The following PCDHA7 variants were observed in gnomAD, a reference collection of about 807,000 sequenced individuals.
PCDHA7 encodes protocadherin alpha 7.
A neutral mutation model predicts 57.2 loss-of-function variants in PCDHA7; 37 were observed. The ratio of observed to expected loss-of-function variants is 0.65; its 90% confidence interval spans 0.50 to 0.85. PCDHA7 has a LOEUF of 0.85. Ranked by LOEUF, PCDHA7 falls within the 40% of genes least tolerant of loss-of-function variation. The pLI, the probability that PCDHA7 is intolerant of heterozygous loss-of-function variation, is 0.00. For synonymous variants in PCDHA7, 553 were observed against 558.8 expected, an observed-to-expected ratio of 0.99 and a Z score of 0.15; for missense variants, 1,188 against 1,241.8, an observed-to-expected ratio of 0.96 and a Z score of 0.65.
chr5:140,899,534 T>A (rs2067388979), intron 1 of PCDHA7, among the ~76,000 whole-genome samples: 1 of 152,234 alleles, frequency 6.6e-6, no homozygotes, highest in Non-Finnish European at 1.5e-5. Context: ...TGAAGCCCAC[T>A]TGATCATGGT....
intron 2 of PCDHA7, among the ~76,000 whole-genome samples, chr5:140,981,116 A>G (rs533489885): frequency 6.6e-6 from 1 of 152,344 alleles, no homozygotes; most frequent in African/African-American, 2.4e-5. Flanking sequence ...TCTACTGGAT[A>G]TGTTGTTTGA....
intron 1 of PCDHA7, chr5:140,862,433 G>C (rs781821294): frequency 2.8e-6 from 1 of 354,766 alleles, no homozygotes; most frequent in African/African-American, 2.1e-5. Context: ...GAAACTATTC[G>C]TTGGTACTCC....
rs975637071 is a variant in PCDHA7 at position 141,011,970 on chromosome 5, C to A, written c.*2033C>A. On this transcript the variant is annotated 3_prime_UTR_variant, in exon 4 of 4. Transcript: ENST00000525929. ...AGCATTAAATTTAAAAAAAAACTGTCTTGTCTACTTTTAGCTTCATTCTCC... is the reference window on the plus strand; with the variant it reads ...AGCATTAAATTTAAAAAAAAACTGTATTGTCTACTTTTAGCTTCATTCTCC... 6.5e-6 allele frequency: 1 copy of A among 153,576 alleles called. No individual in the cohort carries two copies. The highest frequency in any genetic ancestry group is 6.6e-5 in the Admixed American group (1 of 15,252). The allele number at this position is 153,576 out of a possible 1,614,324, so 9.5% of individuals were successfully genotyped here. A position where few individuals can be genotyped will look rare whatever the true frequency, so the allele number is the denominator to read the frequency against.
At chr5:140,990,737 C>T (rs2097410697) in intron 3 of PCDHA7, among the ~76,000 whole-genome samples, 1 of 152,162 alleles carries the variant, frequency 6.6e-6, no homozygotes, top group African/African-American at 2.4e-5. Context: ...ATCAACAGCC[C>T]TAGGGTGGAT....
chr5:140,929,082 G>A, intron 1 of PCDHA7: 2 of 1,614,216 alleles, frequency 1.2e-6, no homozygotes, highest in South Asian at 1.1e-5. Flanking sequence ...ATGGAAGTAA[G>A]ATGGTTTCAA....
intron 1 of PCDHA7, chr5:140,871,625 ATGTC>A (rs1304722830): frequency 2.1e-6 from 3 of 1,403,018 alleles, no homozygotes; most frequent in Non-Finnish European, 2.8e-6. Context: ...TTAGATAACA[ATGTC>A]TGTTCATAAA....
At chr5:140,977,096 G>A (rs1401413424) in intron 1 of PCDHA7, among the ~76,000 whole-genome samples, 1 of 152,182 alleles carries the variant, frequency 6.6e-6, no homozygotes, top group East Asian at 1.9e-4. Flanking sequence ...TGTGTCATTG[G>A]GGAAGTGAGA....
Position 141,009,916 on chromosome 5 carries a change from G to T in PCDHA7, c.2793G>T (p.Thr931=). The change falls in exon 4 of 4, where the codon ACG becomes ACT. Residue 931 remains threonine, a synonymous_variant. Coordinates refer to ENST00000525929, the MANE Select transcript of PCDHA7 (RefSeq NM_018910.3). ...AGAAAAAAGAGAAAGGGAACAGCAC[G>T]ACTGACAACAGTGACCAGTGAGGTC... ...TQEKKEKGNS[T]TDNSDQ The T allele has an allele frequency of 6.2e-7, 1 of 1,611,502 alleles. No individual in the cohort carries two copies. Among genetic ancestry groups the T allele is most frequent in the South Asian group, 1.1e-5 (1 of 90,550 alleles).
In PCDHA7 at chr5:140,834,286, C is replaced by A; in HGVS notation, c.-98C>A. 3 of 1,172,442 alleles carry A rather than the reference C, an allele frequency of 2.6e-6. No individual in the cohort carries two copies. Among genetic ancestry groups the A allele is most frequent in the Non-Finnish European group, 2.4e-6 (2 of 821,262 alleles). The allele number at this position is 1,172,442 out of a possible 1,614,324, so 72.6% of individuals were successfully genotyped here. A position where few individuals can be genotyped will look rare whatever the true frequency, so the allele number is the denominator to read the frequency against. ...TCTCTTTCACTCTTTGGATGCACAA[C>A]AATGGCCACACATCGAGATTGAAAT... is the stretch of plus-strand genomic sequence containing the variant. On this transcript the variant is annotated 5_prime_UTR_variant, in exon 1 of 4. Coordinates refer to ENST00000525929, the MANE Select transcript of PCDHA7 (RefSeq NM_018910.3).
At chr5:140,931,817 C>A (rs2087768963) in intron 1 of PCDHA7, among the ~76,000 whole-genome samples, 1 of 151,876 alleles carries the variant, frequency 6.6e-6, no homozygotes, top group Non-Finnish European at 1.5e-5. Context: ...GAAAAGAATT[C>A]TTGTCATAGT....
intron 1 of PCDHA7, among the ~76,000 whole-genome samples, chr5:140,969,715 A>G (rs1312398688): frequency 6.6e-6 from 1 of 152,082 alleles, no homozygotes; most frequent in Non-Finnish European, 1.5e-5. Context: ...CTACAGGGAA[A>G]TTTTTCTTTT....
Position 140,863,355 on chromosome 5 carries a change from G to A in PCDHA7, c.2355+26617G>A, listed in dbSNP as rs541699808. ...TCACGTTGCTGCTGTACACGACGCT[G>A]CGGTGCTTGGCGCAGCTCACCGAGA... On this transcript the variant is annotated intron_variant, in intron 1 of 3. Coordinates refer to ENST00000525929, the MANE Select transcript of PCDHA7 (RefSeq NM_018910.3). 8 of 1,264,220 alleles carry A rather than the reference G, an allele frequency of 6.3e-6. No homozygotes were observed. In the Admixed American group the frequency reaches 1.3e-4, roughly 20 times the overall value. 78.3% of individuals were successfully genotyped at this position (1,264,220 alleles called of 1,614,324 possible).
chr5:140,982,267 A>T, intron 2 of PCDHA7: 4 of 883,458 alleles, frequency 4.5e-6, no homozygotes, highest in Non-Finnish European at 6.5e-6. Context: ...GTGTTCCTGG[A>T]ATAGTATAGC....
At chr5:140,969,576 G>A (rs982215577) in intron 1 of PCDHA7, 3 of 984,900 alleles carry the variant, frequency 3.0e-6, no homozygotes, top group Admixed American at 2.9e-5. Flanking sequence ...TTTGAGAAGT[G>A]AGGATTAGTC....
At chr5:140,901,433 A>G (rs1472475784) in intron 1 of PCDHA7, among the ~76,000 whole-genome samples, 2 of 152,104 alleles carry the variant, frequency 1.3e-5, no homozygotes, top group Non-Finnish European at 2.9e-5. Flanking sequence ...CTGCATATGG[A>G]TATCTAGTTT....
At chr5:140,875,346 T>C in intron 1 of PCDHA7, 1 of 1,443,436 alleles carries the variant, frequency 6.9e-7, no homozygotes. Flanking sequence ...GACTCCATAA[T>C]GACTGTGATG....
chr5:140,992,976 AG>A (rs2097535791), intron 3 of PCDHA7, among the ~76,000 whole-genome samples: 3 of 152,240 alleles, frequency 2.0e-5, no homozygotes, highest in Non-Finnish European at 4.4e-5. Flanking sequence ...GACAATGATT[AG>A]GCCATGGGAC....
intron 1 of PCDHA7, chr5:140,868,497 T>C (rs1458506620): frequency 1.3e-5 from 2 of 152,376 alleles, no homozygotes; most frequent in Admixed American, 6.5e-5. Flanking sequence ...TTGAGTTCCC[T>C]AGCAGCCAAA....
intron 1 of PCDHA7, among the ~76,000 whole-genome samples, chr5:140,941,223 C>CTT (rs1276732463): frequency 3.0e-5 from 4 of 132,446 alleles, no homozygotes; most frequent in African/African-American, 1.2e-4. Context: ...TCCTTTCTTT[C>CTT]TTTCTTTCTT....
Sources: allele counts gnomAD v4.1 joint callset (sites outside exome capture counted in the v4.1 genomes callset), GRCh38; gene constraint gnomAD v4.1.1; transcripts MANE v1.5; gene names NCBI Gene and HGNC (gene_info 2026-07-23, HGNC 2026-07-21).